CDYL: variants seen among roughly 807,000 people sequenced by gnomAD.
CDYL encodes the protein chromodomain Y like, also known as chromodomain Y-like protein.
Under a neutral mutation model 47.3 loss-of-function variants are expected in CDYL, and 8 were observed. The ratio of observed to expected loss-of-function variants is 0.17; its 90% CI spans 0.10 to 0.31. The LOEUF is 0.31. Ranked by LOEUF, CDYL falls within the 10% of genes least tolerant of loss-of-function variation. The pLI, the probability that CDYL is intolerant of heterozygous loss-of-function variation, is 1.00. For synonymous variants in CDYL, 266 were observed against 265.0 expected (o/e 1.00, Z -0.04); for missense variants, 471 against 701.4 (o/e 0.67, Z 3.71).
chr6:4,895,889 C>T (rs1581245552), intron 2 of CDYL, among the ~76,000 whole-genome samples: 1 of 152,196 alleles, frequency 6.6e-6, no homozygotes, highest in Non-Finnish European at 1.5e-5. Context: ...ACACATGTGG[C>T]ATTGGTTAAA....
At chr6:4,928,215 T>C (rs1202532127) in intron 2 of CDYL, among the ~76,000 whole-genome samples, 3 of 152,194 alleles carry the variant, frequency 2.0e-5, no homozygotes, top group Non-Finnish European at 4.4e-5. Flanking sequence ...TTACAGTGCT[T>C]GGTGTTCTCC....
chr6:4,720,357 A>G (rs1460033578), intron 2 of CDYL, among the ~76,000 whole-genome samples: 5 of 152,190 alleles, frequency 3.3e-5, no homozygotes, highest in Non-Finnish European at 5.9e-5. Context: ...GGATTAGTGC[A>G]TTTCCGTTGT....
Position 4,860,722 on chromosome 6 carries a change from G to A in CDYL, c.25-30991G>A, listed in dbSNP as rs984138984. Among the ~76,000 whole-genome samples, 21 of 151,670 alleles carry A rather than the reference G, an allele frequency of 1.4e-4. No individual in the cohort carries two copies. The South Asian group carries it at 3.7e-3, about 27-fold the overall frequency. ...GTCCCGCAATAGCCAGTCTGCATGA[G>A]AAGCAAGAAGCCAAGAGCCATTCTG... On this transcript the variant is annotated intron_variant, in intron 1 of 6. Coordinates refer to ENST00000397588, the MANE Select transcript of CDYL (RefSeq NM_004824.4).
intron 2 of CDYL, among the ~76,000 whole-genome samples, chr6:4,914,418 C>A (rs1387497032): frequency 6.6e-6 from 1 of 152,178 alleles, no homozygotes; most frequent in Non-Finnish European, 1.5e-5. Context: ...TCGTGCCAGT[C>A]CACACGCAGC....
chr6:4,905,451 A>C (rs1445506303), intron 2 of CDYL, among the ~76,000 whole-genome samples: 1 of 152,174 alleles, frequency 6.6e-6, no homozygotes, highest in African/African-American at 2.4e-5. Flanking sequence ...TCTGTGACAA[A>C]GGCAGGCCAC....
chr6:4,820,852 C>A (rs1280773951), intron 1 of CDYL, among the ~76,000 whole-genome samples: 1 of 152,146 alleles, frequency 6.6e-6, no homozygotes, highest in Non-Finnish European at 1.5e-5. Context: ...CAGCCTGCAG[C>A]GTGCAGAAAC....
chr6:4,873,382 T>C (rs1761528889), intron 1 of CDYL, among the ~76,000 whole-genome samples: 2 of 152,178 alleles, frequency 1.3e-5, no homozygotes, highest in Non-Finnish European at 2.9e-5. Context: ...TATTTAATTT[T>C]TATGCACATA....
At chr6:4,856,751 G>C (rs890714398) in intron 1 of CDYL, among the ~76,000 whole-genome samples, 5 of 152,268 alleles carry the variant, frequency 3.3e-5, no homozygotes, top group Non-Finnish European at 5.9e-5. Context: ...GGGCCTGGGG[G>C]GAACTTCAGG....
At chr6:4,908,553 C>A (rs183845249) in intron 2 of CDYL, among the ~76,000 whole-genome samples, 3 of 152,292 alleles carry the variant, frequency 2.0e-5, no homozygotes, top group African/African-American at 7.2e-5. Flanking sequence ...CTCCTGCCCC[C>A]CACAGGCAAC....
chr6:4,809,302 G>A (rs1238480702), intron 1 of CDYL, among the ~76,000 whole-genome samples: 1 of 152,144 alleles, frequency 6.6e-6, no homozygotes, highest in Non-Finnish European at 1.5e-5. Flanking sequence ...CCACTCCTTC[G>A]TGTGGATGTA....
intron 1 of CDYL, among the ~76,000 whole-genome samples, chr6:4,821,573 A>G (rs529268285): frequency 6.6e-6 from 1 of 151,784 alleles, no homozygotes; most frequent in South Asian, 2.1e-4. Flanking sequence ...GTCTCTACTA[A>G]TAATACAAAA....
intron 2 of CDYL, chr6:4,733,359 G>T (rs1388472161): frequency 6.6e-6 from 1 of 151,318 alleles, no homozygotes; most frequent in Admixed American, 6.6e-5. Context: ...ATTCCAGTTG[G>T]ATTAAAAAGT....
chr6:4,744,004 A>G lies in CDYL; in HGVS notation c.186+9160A>G, dbSNP rs373004717. Among the ~76,000 whole-genome samples, 28 of 152,138 alleles carry G rather than the reference A, an allele frequency of 1.8e-4. No individual in the cohort carries two copies. In the East Asian group the frequency reaches 4.4e-3, roughly 24 times the overall value. On this transcript the variant is annotated intron_variant, in intron 3 of 8. Coordinates refer to the CDYL transcript ENST00000328908. ...CAAGTTGGAACAGGATTTAAGATGT[A>G]GTTTCTCATAAGGAGGGATCCAAAG...
chr6:4,951,446 T>C (rs906914461), intron 5 of CDYL, among the ~76,000 whole-genome samples: 1 of 152,136 alleles, frequency 6.6e-6, no homozygotes, highest in Admixed American at 6.5e-5. Context: ...AGTGATCTAG[T>C]TCAGTGTCAT....
At chr6:4,724,178 C>G (rs1314219431) in intron 2 of CDYL, among the ~76,000 whole-genome samples, 1 of 152,016 alleles carries the variant, frequency 6.6e-6, no homozygotes, top group East Asian at 1.9e-4. Flanking sequence ...GTAGCTGGGA[C>G]CACAGGCATG....
intron 1 of CDYL, among the ~76,000 whole-genome samples, chr6:4,822,030 GTGTCAATGGCTCAC>G (rs1353257468): frequency 1.3e-5 from 2 of 152,076 alleles, no homozygotes; most frequent in African/African-American, 4.8e-5. Flanking sequence ...GAGTGCAGTG[GTGTCAATGGCTCAC>G]TACAACCTTG....
At chr6:4,848,446 G>T (rs1004413525) in intron 1 of CDYL, among the ~76,000 whole-genome samples, 4 of 152,162 alleles carry the variant, frequency 2.6e-5, no homozygotes, top group Admixed American at 6.5e-5. Context: ...CCTTAAGCCC[G>T]ATGTATGCCT....
At chr6:4,909,343 T>A (rs960165668) in intron 2 of CDYL, among the ~76,000 whole-genome samples, 1 of 152,206 alleles carries the variant, frequency 6.6e-6, no homozygotes, top group Non-Finnish European at 1.5e-5. Context: ...AGCTATTCAG[T>A]AGCTCCAGCC....
intron 2 of CDYL, among the ~76,000 whole-genome samples, chr6:4,903,227 G>T (rs923102736): frequency 1.3e-5 from 2 of 152,194 alleles, no homozygotes; most frequent in Non-Finnish European, 2.9e-5. Flanking sequence ...GAGTCAGCAG[G>T]CCTGTGCTCC....
Sources: allele counts gnomAD v4.1 joint callset (sites outside exome capture counted in the v4.1 genomes callset), GRCh38; gene constraint gnomAD v4.1.1; transcripts MANE v1.5; gene names NCBI Gene and HGNC (gene_info 2026-07-23, HGNC 2026-07-21).